Variants in BRINP3 observed in about 807,000 individuals in gnomAD.
BRINP3 encodes the protein BMP/retinoic acid-inducible neural-specific protein 3.
BRINP3 carries 19 observed loss-of-function variants against 71.0 expected under a neutral mutation model. The ratio of observed to expected loss-of-function variants is 0.27; its 90% CI spans 0.19 to 0.39. The LOEUF is 0.39. BRINP3 is among the 10% of genes least tolerant of loss of function. The pLI is 1.00. For synonymous variants in BRINP3, 380 were observed against 337.7 expected (o/e 1.13, Z -1.37); for missense variants, 959 against 940.8 (o/e 1.02, Z -0.25).
intron 4 of BRINP3, among the ~76,000 whole-genome samples, chr1:190,243,561 C>G (rs1659313020): frequency 6.6e-6 from 1 of 152,068 alleles, no homozygotes; most frequent in East Asian, 1.9e-4. Context: ...GTTACTCTAG[C>G]TGGGCTAATG....
At chr1:190,117,869 T>G (rs965794428) in intron 7 of BRINP3, among the ~76,000 whole-genome samples, 1 of 152,104 alleles carries the variant, frequency 6.6e-6, no homozygotes, top group African/African-American at 2.4e-5. Context: ...TTCTTTTTTC[T>G]CCTCATGCCA....
chr1:190,122,295 T>C (rs1481339986), intron 7 of BRINP3, among the ~76,000 whole-genome samples: 1 of 152,056 alleles, frequency 6.6e-6, no homozygotes, highest in Admixed American at 6.6e-5. Flanking sequence ...CTGGGTTGAA[T>C]AGTGTCCTCC....
intron 2 of BRINP3, among the ~76,000 whole-genome samples, chr1:190,357,579 G>C (rs1011373913): frequency 6.6e-6 from 1 of 152,036 alleles, no homozygotes; most frequent in East Asian, 1.9e-4. Context: ...TAGCCTTGTA[G>C]TATAGTTTGA....
At chr1:190,180,117 A>T (rs1652900918) in intron 6 of BRINP3, among the ~76,000 whole-genome samples, 1 of 152,126 alleles carries the variant, frequency 6.6e-6, no homozygotes, top group South Asian at 2.1e-4. Context: ...ACCTGGGGAC[A>T]GGAGAAAATA....
At chr1:190,348,084 T>C (rs1281321642) in intron 2 of BRINP3, among the ~76,000 whole-genome samples, 1 of 152,158 alleles carries the variant, frequency 6.6e-6, no homozygotes, top group Non-Finnish European at 1.5e-5. Context: ...TTTTCCTTTA[T>C]AGAGCCTTTG....
At chr1:190,277,512 T>C (rs995335527) in intron 3 of BRINP3, among the ~76,000 whole-genome samples, 2 of 151,702 alleles carry the variant, frequency 1.3e-5, no homozygotes, top group Non-Finnish European at 2.9e-5. Flanking sequence ...TTAATGAATA[T>C]TTTGGTCTCT....
chr1:190,353,323 A>T (rs986031910), intron 2 of BRINP3, among the ~76,000 whole-genome samples: 9 of 152,048 alleles, frequency 5.9e-5, no homozygotes, highest in Non-Finnish European at 1.3e-4. Flanking sequence ...GGGAATAATG[A>T]CATTGTAAGC....
chr1:190,152,489 C>G (rs1377667090), intron 7 of BRINP3, among the ~76,000 whole-genome samples: 4 of 143,668 alleles, frequency 2.8e-5, no homozygotes, highest in African/African-American at 1.0e-4. Flanking sequence ...CATACATGCA[C>G]AAATATATAT....
intron 1 of BRINP3, among the ~76,000 whole-genome samples, chr1:190,472,123 T>C (rs943591426): frequency 6.6e-6 from 1 of 151,646 alleles, no homozygotes; most frequent in Non-Finnish European, 1.5e-5. Flanking sequence ...TTTGTTTTCA[T>C]AACATATTTG....
chr1:190,406,855 A>G (rs1355267339), intron 2 of BRINP3, among the ~76,000 whole-genome samples: 1 of 152,200 alleles, frequency 6.6e-6, no homozygotes, highest in African/African-American at 2.4e-5. Context: ...CTTCATTTAA[A>G]AGATTAAAAG....
At chr1:190,324,239 C>T (rs972193408) in intron 2 of BRINP3, among the ~76,000 whole-genome samples, 9 of 151,444 alleles carry the variant, frequency 5.9e-5, no homozygotes, top group Admixed American at 1.3e-4. Context: ...TCTCGGAACA[C>T]GAAAGCTCAA....
At chr1:190,254,380 C>T (rs758907110) in intron 4 of BRINP3, among the ~76,000 whole-genome samples, 23 of 151,808 alleles carry the variant, frequency 1.5e-4, no homozygotes, top group Middle Eastern at 3.4e-3. Flanking sequence ...GCCATTTTCA[C>T]GATATTGATT....
intron 6 of BRINP3, among the ~76,000 whole-genome samples, chr1:190,221,088 G>C (rs1656847490): frequency 6.6e-6 from 1 of 152,070 alleles, no homozygotes; most frequent in South Asian, 2.1e-4. Flanking sequence ...CATGGTGGCA[G>C]ATGCCTGTAA....
intron 4 of BRINP3, among the ~76,000 whole-genome samples, chr1:190,258,779 C>T (rs1170415809): frequency 6.6e-6 from 1 of 152,044 alleles, no homozygotes; most frequent in Non-Finnish European, 1.5e-5. Context: ...TTTAGAAGGG[C>T]CAAGCCTGGA....
At chr1:190,313,071 C>T (rs542976638) in intron 2 of BRINP3, among the ~76,000 whole-genome samples, 101 of 151,078 alleles carry the variant, frequency 6.7e-4, no homozygotes, top group African/African-American at 2.1e-3. Context: ...CTTAAGATGA[C>T]GACTACAAAT....
At position 190,166,303 on chromosome 1, in the gene BRINP3, G is replaced by A. The variant is rs181088095; in HGVS notation, c.962-5413C>T. Among the ~76,000 whole-genome samples, 16 of 152,200 alleles carry A rather than the reference G, an allele frequency of 1.1e-4. No individual in the cohort carries two copies. In the East Asian group the frequency reaches 3.1e-3, roughly 29 times the overall value. ...ATTCCTTAGTAGCTGCCAGAAATAA[G>A]GTATGCTGTTTCTCACTATTTTATT... is the stretch of plus-strand genomic sequence containing the variant. On this transcript the variant is annotated intron_variant, in intron 6 of 7. Coordinates refer to ENST00000367462, the MANE Select transcript of BRINP3 (RefSeq NM_199051.3).
chr1:190,180,167 G>C (rs1214710277), intron 6 of BRINP3, among the ~76,000 whole-genome samples: 2 of 152,016 alleles, frequency 1.3e-5, no homozygotes, highest in African/African-American at 4.8e-5. Context: ...CGTGCCTGCT[G>C]CCTACTTCAA....
chr1:190,287,365 C>T (rs769301092), intron 2 of BRINP3, among the ~76,000 whole-genome samples: 1 of 152,096 alleles, frequency 6.6e-6, no homozygotes, highest in Non-Finnish European at 1.5e-5. Flanking sequence ...TATAAAACAG[C>T]TAAATGCTCA....
At chr1:190,179,279 G>T (rs1175902731) in intron 6 of BRINP3, among the ~76,000 whole-genome samples, 1 of 152,118 alleles carries the variant, frequency 6.6e-6, no homozygotes, top group Admixed American at 6.6e-5. Flanking sequence ...CACCTTGCCA[G>T]GGGTGAGAAA....
Sources: allele counts gnomAD v4.1 joint callset (sites outside exome capture counted in the v4.1 genomes callset), GRCh38; gene constraint gnomAD v4.1.1; transcripts MANE v1.5; gene names NCBI Gene and HGNC (gene_info 2026-07-23, HGNC 2026-07-21).